The following SEC23A variants were observed in gnomAD, a reference collection of about 807,000 sequenced individuals.
SEC23A encodes protein transport protein Sec23A.
Under a neutral mutation model 103.7 loss-of-function variants are expected in SEC23A, and 56 were observed. That is an observed-to-expected ratio of 0.54 (90% confidence interval 0.44 to 0.67). SEC23A has a LOEUF of 0.67. Among genes scored for constraint, SEC23A ranks in the 30% least tolerant of loss-of-function variants. SEC23A has a pLI of 0.00. For missense variants in SEC23A, 784 were observed against 936.4 expected (o/e 0.84, Z 2.12); for synonymous variants, 281 against 293.0 (o/e 0.96, Z 0.42).
intron 13 of SEC23A, among the ~76,000 whole-genome samples, chr14:39,056,815 T>G (rs1886267600): frequency 6.6e-6 from 1 of 152,124 alleles, no homozygotes; most frequent in African/African-American, 2.4e-5. Context: ...GCATTCACTG[T>G]TTTTCAGAAA....
At chr14:39,096,945 G>A (rs1418337004) in intron 1 of SEC23A, among the ~76,000 whole-genome samples, 1 of 152,110 alleles carries the variant, frequency 6.6e-6, no homozygotes, top group Non-Finnish European at 1.5e-5. Context: ...CTTTGGACAG[G>A]TAATTTTCTT....
At chr14:39,091,040 A>G in intron 5 of SEC23A, 2 of 397,436 alleles carry the variant, frequency 5.0e-6, no homozygotes, top group Non-Finnish European at 4.7e-6. Flanking sequence ...AAGAAAGTGG[A>G]AACAAAGAAA....
chr14:39,040,891 AT>A lies in SEC23A; in HGVS notation c.1987-5del. 6.2e-7 allele frequency: 1 copy of A among 1,610,118 alleles called. No individual in the cohort carries two copies. On this transcript the variant is annotated splice_polypyrimidine_tract_variant and splice_region_variant and intron_variant, in intron 17 of 19. Coordinates refer to ENST00000307712, the MANE Select transcript of SEC23A (RefSeq NM_006364.4). ...ACTTCCGCCACTGTGCTATGGTCTA[AT>A]TTTAAAACAATTAAAGAAATTACTT...
intron 2 of SEC23A, among the ~76,000 whole-genome samples, chr14:39,094,416 ATATATATATATATATATATATATATAT>A (rs1194994565): frequency 5.7e-5 from 3 of 52,270 alleles, no homozygotes; most frequent in Non-Finnish European, 9.1e-5. Context: ...ATATATATAT[ATATATATATATATATATATATATATAT>A]TTTTTTTTTT....
chr14:39,040,570 T>A, intron 18 of SEC23A, 162 bp downstream of exon 18: 1 of 841,306 alleles, frequency 1.2e-6, no homozygotes, highest in Non-Finnish European at 1.9e-6. Context: ...TGTTTTGCTC[T>A]CAAAAGCTAA....
intron 15 of SEC23A, among the ~76,000 whole-genome samples, chr14:39,046,092 C>T (rs1330966523): frequency 6.6e-6 from 1 of 152,192 alleles, no homozygotes; most frequent in Non-Finnish European, 1.5e-5. Flanking sequence ...CTCTTGCCTG[C>T]TGCCACGTAA....
At chr14:39,069,393 CCTCA>C (rs937471975) in intron 9 of SEC23A, among the ~76,000 whole-genome samples, 1 of 152,186 alleles carries the variant, frequency 6.6e-6, no homozygotes, top group Non-Finnish European at 1.5e-5. Context: ...AACCTACCCT[CCTCA>C]CTCACTCCAT....
In SEC23A at chr14:39,093,209, T is replaced by C; in HGVS notation, c.257A>G (p.Asn86Ser). ...TACCTGATTCCTTTGGTAACAAAAG[T>C]TGCAAGCCCAAAGTTTTGCTCGATA... ...VDYRAKLWAC[N>S]FCYQRNQFPP... The change falls in exon 3 of 20, where the codon AAC becomes AGC. Residue 86 changes from asparagine to serine, a missense_variant. Around this residue, in one of 2 missense-constraint regions of SEC23A, gnomAD observed 683 missense variants for 774.2 expected, o/e 0.88. Coordinates refer to ENST00000307712, the MANE Select transcript of SEC23A (RefSeq NM_006364.4). The C allele has an allele frequency of 6.2e-7, 1 of 1,612,962 alleles. No homozygotes were observed. Among genetic ancestry groups the C allele is most frequent in the Non-Finnish European group, 8.5e-7 (1 of 1,179,800 alleles).
In SEC23A at chr14:39,033,426, G is replaced by GAA. The variant is rs1375186118; in HGVS notation, c.2209-99_2209-98insTT. On this transcript the variant is annotated intron_variant, in intron 19 of 19. Transcript: ENST00000307712. ...AATAGACAAGGAAATCATTTGAAATGCCTATGGTCCTATTAAATAAAAAGA... is the reference window on the plus strand; with the variant it reads ...AATAGACAAGGAAATCATTTGAAATGAACCTATGGTCCTATTAAATAAAAAGA... The GAA allele has an allele frequency of 0.015, 898 of 60,114 alleles. 5 individuals carry two copies. Among genetic ancestry groups the GAA allele is most frequent in the African/African-American group, 0.097 (581 of 5,990 alleles). 3.7% of individuals were successfully genotyped at this position (60,114 alleles called of 1,614,324 possible). A position where few individuals can be genotyped will look rare whatever the true frequency, so the allele number is the denominator to read the frequency against.
chr14:39,102,771 G>A (rs905773745), intron 1 of SEC23A, among the ~76,000 whole-genome samples: 1 of 152,168 alleles, frequency 6.6e-6, no homozygotes, highest in African/African-American at 2.4e-5. Context: ...TGGGTGCTGG[G>A]CGAGATGCTC....
Position 39,055,360 on chromosome 14 carries a change from C to G in SEC23A, c.1506-64G>C, listed in dbSNP as rs1886206066. Reference sequence around the variant, plus strand: ...ATTATACCCACAATATCATAGTTGGCTACCACACAAATTTAAATTTAAAAG... The same window carrying G: ...ATTATACCCACAATATCATAGTTGGGTACCACACAAATTTAAATTTAAAAG... On this transcript the variant is annotated intron_variant, in intron 13 of 19. Transcript: ENST00000307712. 6.6e-6 allele frequency: 10 copies of G among 1,515,724 alleles called. No homozygotes were observed. In the South Asian group the frequency reaches 6.9e-5, roughly 10 times the overall value. The allele number at this position is 1,515,724 out of a possible 1,614,324, so 93.9% of individuals were successfully genotyped here.
At position 39,042,820 on chromosome 14, in the gene SEC23A, T is replaced by C; in HGVS notation, c.1952A>G (p.Asp651Gly). ...ATAAATCAAAATCTGGAAGAATGTG[T>C]CCATGAGAAGAATACGATCTGCAAG... ...SILADRILLM[D>G]TFFQILIYHG... Residue 651 changes from aspartate to glycine, a missense_variant, in exon 17 of 20, where the codon GAC (aspartate) becomes GGC (glycine). Asp to Gly is a moderately conservative substitution (Grantham distance 94). Coordinates refer to ENST00000307712, the MANE Select transcript of SEC23A (RefSeq NM_006364.4). The C allele has an allele frequency of 6.2e-7, 1 of 1,612,136 alleles. No individual in the cohort carries two copies. The highest frequency in any genetic ancestry group is 8.5e-7 in the Non-Finnish European group (1 of 1,178,404).
intron 7 of SEC23A, among the ~76,000 whole-genome samples, chr14:39,076,762 C>A (rs756585192): frequency 6.7e-6 from 1 of 150,236 alleles, no homozygotes; most frequent in Admixed American, 6.6e-5. Flanking sequence ...CCCATCTCTA[C>A]TAAAAATACA....
chr14:39,096,872 T>G (rs1451931350), intron 1 of SEC23A, among the ~76,000 whole-genome samples: 1 of 152,214 alleles, frequency 6.6e-6, no homozygotes, highest in Non-Finnish European at 1.5e-5. Flanking sequence ...TCCACTAAAC[T>G]TTACAGAAGA....
rs200958932 is a variant in SEC23A at position 39,095,941 on chromosome 14, G to C, written c.178C>G (p.Leu60Val). The change falls in exon 2 of 20, where the codon CTG becomes GTG. Residue 60 changes from leucine (L) to valine (V), a missense_variant. By Grantham distance (32) the Leu-to-Val change is conservative. Coordinates refer to ENST00000307712, the MANE Select transcript of SEC23A (RefSeq NM_006364.4). The part of the protein sequence containing the change: ...DLPPIQYEPV[L>V]CSRTTCRAVL... ...GCACGGCAAGTGGTCCTACTACACAGAACAGGTTCATATTGAATAGGTGGT... is the reference window on the plus strand; with the variant it reads ...GCACGGCAAGTGGTCCTACTACACACAACAGGTTCATATTGAATAGGTGGT... 1.9e-4 allele frequency: 300 copies of C among 1,614,124 alleles called. 2 individuals are homozygous for C. In the South Asian group the frequency reaches 3.1e-3, roughly 17 times the overall value.
chr14:39,074,561 T>C (rs1886949660), intron 8 of SEC23A, 31 bp from the exon 9 acceptor site: 2 of 1,349,902 alleles, frequency 1.5e-6, no homozygotes, highest in Non-Finnish European at 2.1e-6. Flanking sequence ...TAAAATAATA[T>C]ACAAAATTGT....
At position 39,052,233 on chromosome 14, in the gene SEC23A, G is replaced by A. The variant is rs557823110; in HGVS notation, c.1659+2910C>T. Among the ~76,000 whole-genome samples, 94 of 151,894 alleles carry A rather than the reference G, an allele frequency of 6.2e-4. 1 individual carries two copies. The South Asian group carries it at 0.018, about 30-fold the overall frequency. On this transcript the variant is annotated intron_variant, in intron 14 of 19. Coordinates refer to ENST00000307712, the MANE Select transcript of SEC23A (RefSeq NM_006364.4). ...ATAATACCTGGGTGATGGGATATCT[G>A]TGCAGTAAACCACCATGGCACACGT...
chr14:39,094,397 C>CAT (rs1242407974), intron 2 of SEC23A, among the ~76,000 whole-genome samples: 1 of 7,902 alleles, frequency 1.3e-4, no homozygotes, highest in African/African-American at 3.6e-4. Flanking sequence ...CACACACACA[C>CAT]ATATATATAT....
intron 13 of SEC23A, among the ~76,000 whole-genome samples, chr14:39,059,924 G>A (rs1281718133): frequency 6.6e-6 from 1 of 152,070 alleles, no homozygotes; most frequent in Admixed American, 6.5e-5. Flanking sequence ...TGGCATTAGT[G>A]GTAATGTTTC....
Sources: allele counts gnomAD v4.1 joint callset (sites outside exome capture counted in the v4.1 genomes callset), GRCh38; gene constraint gnomAD v4.1.1; regional missense constraint gnomAD v4.1.1; transcripts MANE v1.5; gene names NCBI Gene and HGNC (gene_info 2026-07-23, HGNC 2026-07-21).